Variants in HGSNAT observed in about 807,000 individuals in gnomAD.
HGSNAT encodes heparan-alpha-glucosaminide N-acetyltransferase, also known as transmembrane protein 76.
Under a neutral mutation model 85.2 loss-of-function variants are expected in HGSNAT, and 59 were observed. That is an observed-to-expected ratio of 0.69 (90% CI 0.56 to 0.86). HGSNAT has a LOEUF of 0.86. HGSNAT is among the 40% of genes least tolerant of loss of function. The pLI is 0.00. For missense variants in HGSNAT, 756 were observed against 777.1 expected (o/e 0.97, Z 0.32); for synonymous variants, 321 against 304.5 (o/e 1.05, Z -0.56).
intron 5 of HGSNAT, among the ~76,000 whole-genome samples, chr8:43,164,796 A>C (rs1264252876): frequency 6.6e-6 from 1 of 152,154 alleles, no homozygotes; most frequent in African/African-American, 2.4e-5. Flanking sequence ...AATAAAAAAT[A>C]AAGTGAGAGA....
chr8:43,164,403 C>A (rs1803365402), intron 5 of HGSNAT, among the ~76,000 whole-genome samples: 1 of 151,708 alleles, frequency 6.6e-6, no homozygotes, highest in African/African-American at 2.4e-5. Context: ...TGGTCTCATT[C>A]TGTCTCCCAA....
At chr8:43,154,169 T>C (rs1803012509) in intron 2 of HGSNAT, among the ~76,000 whole-genome samples, 1 of 152,244 alleles carries the variant, frequency 6.6e-6, no homozygotes, top group Admixed American at 6.5e-5. Context: ...CACAAACTTC[T>C]TGTAGCAAGA....
intron 11 of HGSNAT, among the ~76,000 whole-genome samples, chr8:43,186,226 T>G (rs1046998858): frequency 1.6e-4 from 24 of 152,204 alleles, no homozygotes; most frequent in African/African-American, 2.9e-4. Context: ...CCAGCTCCTC[T>G]TTGTACCTCT....
intron 5 of HGSNAT, among the ~76,000 whole-genome samples, chr8:43,161,902 T>C (rs760637149): frequency 5.3e-5 from 8 of 152,256 alleles, no homozygotes; most frequent in Non-Finnish European, 1.0e-4. Flanking sequence ...CTAGTCCAGC[T>C]GCCCAACCTC....
intron 14 of HGSNAT, chr8:43,196,397 C>G (rs1804727428): frequency 8.3e-7 from 1 of 1,204,738 alleles, no homozygotes; most frequent in Non-Finnish European, 1.1e-6. Flanking sequence ...CACCCTGCCT[C>G]TGGTTCCACC....
At chr8:43,177,336 G>A (rs2130764221) in intron 9 of HGSNAT, among the ~76,000 whole-genome samples, 1 of 151,996 alleles carries the variant, frequency 6.6e-6, no homozygotes, top group Middle Eastern at 3.4e-3. Flanking sequence ...CGGATCACAA[G>A]GTCGGGAGAT....
chr8:43,172,956 G>T (rs774096203), intron 8 of HGSNAT, among the ~76,000 whole-genome samples: 1 of 152,184 alleles, frequency 6.6e-6, no homozygotes, highest in African/African-American at 2.4e-5. Flanking sequence ...CCAGTGCTTG[G>T]TTGCAGAGTC....
chr8:43,151,144 G>A (rs975804826), intron 2 of HGSNAT, among the ~76,000 whole-genome samples: 1 of 152,154 alleles, frequency 6.6e-6, no homozygotes, highest in African/African-American at 2.4e-5. Context: ...AAACAAAGTC[G>A]TAGTAGAGAC....
rs988943637 is a variant in HGSNAT, at chr8:43,170,612, C to T, written c.661C>T (p.Pro221Ser). 1.9e-6 allele frequency: 3 copies of T among 1,610,042 alleles called. No individual in the cohort carries two copies. The highest frequency in any genetic ancestry group is 2.5e-6 in the Non-Finnish European group (3 of 1,178,252). ...SELGSPSRTDPLDGDVQPATW... is the reference protein window; with the variant it reads ...SELGSPSRTDSLDGDVQPATW... ...GCTGGGATCTCCCAGCAGGACAGAC[C>T]CTCTCGATGGTGATGTTCAGCCAGC... Residue 221 changes from proline to serine, a missense_variant, in exon 7 of 18, where the codon CCT (proline) becomes TCT (serine). Coordinates refer to ENST00000379644, the MANE Select transcript of HGSNAT (RefSeq NM_152419.3).
At chr8:43,150,562 G>A (rs887367069) in intron 2 of HGSNAT, among the ~76,000 whole-genome samples, 2 of 152,044 alleles carry the variant, frequency 1.3e-5, no homozygotes, top group Non-Finnish European at 2.9e-5. Context: ...GGCCAGGCGC[G>A]GTGGCTCACA....
chr8:43,161,289 C>A, intron 4 of HGSNAT, 149 bp from the exon 5 acceptor site: 1 of 588,226 alleles, frequency 1.7e-6, no homozygotes. Flanking sequence ...ACAATTATCA[C>A]TCCCTTCAGG....
At chr8:43,172,484 T>C (rs1586727229) in intron 8 of HGSNAT, 98 bp downstream of exon 8, 1 of 889,568 alleles carries the variant, frequency 1.1e-6, no homozygotes, top group East Asian at 2.4e-5. Context: ...ACTCCAGAAA[T>C]GAGCCCCAGC....
At chr8:43,161,381 C>T in intron 4 of HGSNAT, 57 bp from the exon 5 acceptor site, 1 of 1,350,762 alleles carries the variant, frequency 7.4e-7, no homozygotes, top group Non-Finnish European at 1.1e-6. Context: ...GATGTGATGT[C>T]TTTGATGTTC....
intron 1 of HGSNAT, among the ~76,000 whole-genome samples, chr8:43,141,046 C>T (rs975059420): frequency 2.0e-5 from 3 of 152,202 alleles, no homozygotes; most frequent in Non-Finnish European, 4.4e-5. Flanking sequence ...AGAGCAGGGT[C>T]CCTTCCCTGA....
In HGSNAT at chr8:43,195,317, A is replaced by G. The variant is rs184680994; in HGVS notation, c.1464+1474A>G. ...TCAACAGTTGATTCACACATATTTT[A>G]TATAAATATTATATACTGTGTTTTT... On this transcript the variant is annotated intron_variant, in intron 14 of 17. Transcript: ENST00000379644. 3.4e-3 allele frequency among the ~76,000 whole-genome samples: 519 copies of G among 152,264 alleles called. 5 individuals are homozygous for G. The highest frequency in any genetic ancestry group is 5.1e-3 in the Non-Finnish European group (350 of 68,022).
At chr8:43,161,543 G>A (rs1803268727) in intron 5 of HGSNAT, 36 bp downstream of exon 5, 1 of 1,529,314 alleles carries the variant, frequency 6.5e-7, no homozygotes, top group East Asian at 2.3e-5. Context: ...TGGAAAGGCA[G>A]AGTATAGAAA....
intron 5 of HGSNAT, among the ~76,000 whole-genome samples, chr8:43,164,283 C>A (rs940534411): frequency 7.2e-5 from 11 of 152,170 alleles, no homozygotes; most frequent in Admixed American, 2.0e-4. Context: ...TTCAGGCAAA[C>A]CCTGTGTTAT....
chr8:43,200,831 C>T lies in HGSNAT; in HGVS notation c.*1262C>T, dbSNP rs1383985091. ...TGCCGCTGCTTCCACCCTCGCCACT[C>T]CATGGCAGCTTTTGGTCTGTTTCCG... On this transcript the variant is annotated 3_prime_UTR_variant, in exon 18 of 18. Coordinates refer to ENST00000379644, the MANE Select transcript of HGSNAT (RefSeq NM_152419.3). 1 of 152,816 alleles carries T rather than the reference C, an allele frequency of 6.5e-6. No homozygotes were observed. The highest frequency in any genetic ancestry group is 1.5e-5 in the Non-Finnish European group (1 of 68,474). The allele number at this position is 152,816 out of a possible 1,614,324, so 9.5% of individuals were successfully genotyped here. A position where few individuals can be genotyped will look rare whatever the true frequency, so the allele number is the denominator to read the frequency against.
intron 14 of HGSNAT, among the ~76,000 whole-genome samples, chr8:43,195,550 AGGAGGAGGATGAGGAGGAAGAGGGGGT>A (rs1804681830): frequency 1.4e-5 from 2 of 143,618 alleles, no homozygotes; most frequent in South Asian, 2.4e-4. Flanking sequence ...GGAGTAGAGG[AGGAGGAGGATGAGGAGGAAGAGGGGGT>A]GGAGGAAGAG....
Sources: gnomAD v4.1 joint callset for allele counts (sites outside exome capture counted in the v4.1 genomes callset) on GRCh38, gnomAD v4.1.1 for gene constraint, MANE v1.5 for transcripts, NCBI Gene and HGNC (gene_info 2026-07-23, HGNC 2026-07-21) for gene names.